Variants in NFIA observed in about 807,000 individuals in gnomAD.
The protein encoded by NFIA is nuclear factor I A.
NFIA carries 8 observed loss-of-function variants against 62.8 expected under a neutral mutation model. That is an observed-to-expected ratio of 0.13 (90% CI 0.07 to 0.23). NFIA has a LOEUF of 0.23. NFIA is among the 10% of genes least tolerant of loss of function. NFIA has a pLI of 1.00. For synonymous variants in NFIA, 235 were observed against 238.1 expected (o/e 0.99, Z 0.12); for missense variants, 410 against 642.1 (o/e 0.64, Z 3.91).
intron 2 of NFIA, among the ~76,000 whole-genome samples, chr1:61,114,880 GAT>G (rs1403084483): frequency 6.6e-6 from 1 of 152,126 alleles, no homozygotes; most frequent in African/African-American, 2.4e-5. Flanking sequence ...GAGAAAAGTG[GAT>G]ATAATATTCA....
chr1:61,196,586 A>ATT (rs111245804), intron 2 of NFIA, among the ~76,000 whole-genome samples: 1 of 151,172 alleles, frequency 6.6e-6, no homozygotes. Flanking sequence ...ACTATATATT[A>ATT]TTTTTTTTTG....
intron 10 of NFIA, among the ~76,000 whole-genome samples, chr1:61,445,068 C>T (rs1035542126): frequency 6.6e-6 from 1 of 152,224 alleles, no homozygotes; most frequent in Non-Finnish European, 1.5e-5. Context: ...AAAACACATT[C>T]TTGAATCAGT....
intron 2 of NFIA, among the ~76,000 whole-genome samples, chr1:61,274,470 C>T (rs564170759): frequency 2.0e-5 from 3 of 152,192 alleles, no homozygotes; most frequent in Non-Finnish European, 4.4e-5. Context: ...TTGTAATATA[C>T]AGATCTTCTG....
intron 7 of NFIA, among the ~76,000 whole-genome samples, chr1:61,395,288 G>GTTTTT (rs1303184667): frequency 5.9e-5 from 8 of 135,678 alleles, no homozygotes; most frequent in Admixed American, 2.9e-4. Flanking sequence ...GTGTGTGTGT[G>GTTTTT]TTTTTTTTTT....
In NFIA at chr1:61,311,303, A is replaced by G. The variant is rs140763421; in HGVS notation, c.626-21209A>G. 3.5e-3 allele frequency among the ~76,000 whole-genome samples: 540 copies of G among 152,278 alleles called. 5 individuals are homozygous for G. The highest frequency in any genetic ancestry group is 0.012 in the African/African-American group (499 of 41,576). ...CTACTCGAGAGGCTGAGGCAGGAGA[A>G]TCGCTTGAACCCGGGAGGTGGAGGT... On this transcript the variant is annotated intron_variant, in intron 3 of 10. Transcript: ENST00000403491.
intron 2 of NFIA, among the ~76,000 whole-genome samples, chr1:61,127,053 G>A (rs1646987159): frequency 6.7e-6 from 1 of 149,142 alleles, no homozygotes; most frequent in African/African-American, 2.5e-5. Flanking sequence ...GCTTCCCAAA[G>A]CGCTGAGATT....
At chr1:61,420,317 C>T (rs1057191178) in intron 9 of NFIA, among the ~76,000 whole-genome samples, 7 of 150,774 alleles carry the variant, frequency 4.6e-5, no homozygotes, top group Non-Finnish European at 8.8e-5. Context: ...AGAAATTAGC[C>T]GATATATTTT....
At chr1:61,243,548 GTTGT>G (rs941628433) in intron 2 of NFIA, among the ~76,000 whole-genome samples, 2 of 151,950 alleles carry the variant, frequency 1.3e-5, no homozygotes, top group African/African-American at 4.8e-5. Flanking sequence ...TGTCAATTTT[GTTGT>G]TTTTTTTCTA....
At chr1:61,255,845 C>A (rs928264450) in intron 2 of NFIA, among the ~76,000 whole-genome samples, 3 of 152,130 alleles carry the variant, frequency 2.0e-5, no homozygotes, top group African/African-American at 7.2e-5. Flanking sequence ...AACTTCGGTA[C>A]TTTGTTGTAT....
At chr1:61,381,115 A>AG (rs398049322) in intron 6 of NFIA, among the ~76,000 whole-genome samples, 1 of 151,666 alleles carries the variant, frequency 6.6e-6, no homozygotes. Flanking sequence ...AAAAAAAAAA[A>AG]TCTGCCACCT....
Position 61,404,299 on chromosome 1 carries a change from T to C in NFIA, c.1254+17T>C. The C allele has an allele frequency of 1.3e-6, 2 of 1,585,042 alleles. No homozygotes were observed. Among genetic ancestry groups the C allele is most frequent in the Non-Finnish European group, 1.7e-6 (2 of 1,167,572 alleles). On this transcript the variant is annotated intron_variant, in intron 8 of 10. Coordinates refer to ENST00000403491, the MANE Select transcript of NFIA (RefSeq NM_001134673.4). ...TTCCTCAATGTAAGGAAACCTCTTT[T>C]TTTCCATTTCTTTAGAAATGTTAGC...
intron 8 of NFIA, among the ~76,000 whole-genome samples, 166 bp downstream of exon 8, chr1:61,404,448 G>C (rs1471844392): frequency 6.6e-6 from 1 of 152,172 alleles, no homozygotes; most frequent in Non-Finnish European, 1.5e-5. Context: ...CTTGGTCTAA[G>C]AGTGATTAGT....
At chr1:61,426,416 G>A in intron 9 of NFIA, 49 bp from the exon 10 acceptor site, 2 of 1,248,426 alleles carry the variant, frequency 1.6e-6, no homozygotes, top group Non-Finnish European at 2.3e-6. Context: ...TTGTTTGTGT[G>A]TGCAATCTCG....
At chr1:61,306,074 T>C (rs927222845) in intron 3 of NFIA, among the ~76,000 whole-genome samples, 3 of 151,502 alleles carry the variant, frequency 2.0e-5, no homozygotes, top group African/African-American at 4.8e-5. Context: ...ATGGTCTCAA[T>C]CTCCTGACCT....
chr1:61,309,699 A>G (rs1570556119), intron 3 of NFIA, among the ~76,000 whole-genome samples: 1 of 152,170 alleles, frequency 6.6e-6, no homozygotes, highest in East Asian at 1.9e-4. Flanking sequence ...GAGCAGCCTG[A>G]CCAACACAGT....
At chr1:61,446,474 G>A (rs577198111) in intron 10 of NFIA, among the ~76,000 whole-genome samples, 23 of 152,250 alleles carry the variant, frequency 1.5e-4, no homozygotes, top group African/African-American at 4.8e-4. Flanking sequence ...AACTTGAGGG[G>A]TGGGAGGAGA....
intron 3 of NFIA, among the ~76,000 whole-genome samples, chr1:61,309,749 T>G (rs559674890): frequency 6.6e-6 from 1 of 152,022 alleles, no homozygotes; most frequent in Admixed American, 6.5e-5. Context: ...ATTAGCTGGG[T>G]GTGGTGGCAT....
At chr1:61,192,399 G>A (rs1395047664) in intron 2 of NFIA, among the ~76,000 whole-genome samples, 1 of 152,074 alleles carries the variant, frequency 6.6e-6, no homozygotes, top group African/African-American at 2.4e-5. Flanking sequence ...CTTTTTGGAG[G>A]TTTAAAATGT....
intron 2 of NFIA, among the ~76,000 whole-genome samples, chr1:61,215,584 A>T (rs138502549): frequency 6.6e-6 from 1 of 152,334 alleles, no homozygotes; most frequent in African/African-American, 2.4e-5. Flanking sequence ...AATAGAAAAA[A>T]CTAAAGTAAA....
Sources: allele counts gnomAD v4.1 joint callset (sites outside exome capture counted in the v4.1 genomes callset), GRCh38; gene constraint gnomAD v4.1.1; transcripts MANE v1.5; gene names NCBI Gene and HGNC (gene_info 2026-07-23, HGNC 2026-07-21).